The following SLC44A5 variants were observed in gnomAD, a reference collection of about 807,000 sequenced individuals.
SLC44A5 encodes the protein choline transporter-like protein 5.
A neutral mutation model predicts 101.8 loss-of-function variants in SLC44A5; 57 were observed. The observed-to-expected ratio is 0.56, with a 90% CI of 0.45 to 0.70. The LOEUF is 0.70. SLC44A5 is among the 30% of genes least tolerant of loss of function. The pLI, the probability that SLC44A5 is intolerant of heterozygous loss-of-function variation, is 0.00. For synonymous variants in SLC44A5, 281 were observed against 290.9 expected (o/e 0.97, Z 0.35); for missense variants, 737 against 853.1 (o/e 0.86, Z 1.70).
At chr1:75,670,153 G>T in the SLC44A5 span, among the ~76,000 whole-genome samples, 7 of 152,038 alleles carry the variant, frequency 4.6e-5, no homozygotes, top group African/African-American at 1.4e-4. Flanking sequence ...AATGAATACA[G>T]AAAATAGTCA....
chr1:75,654,531 A>C, the SLC44A5 span, among the ~76,000 whole-genome samples: 2 of 152,204 alleles, frequency 1.3e-5, no homozygotes, highest in African/African-American at 4.8e-5. Flanking sequence ...TAGAAACATG[A>C]TAAAAGGGTC....
At chr1:75,718,225 G>A in the SLC44A5 span, among the ~76,000 whole-genome samples, 1 of 152,160 alleles carries the variant, frequency 6.6e-6, no homozygotes, top group Non-Finnish European at 1.5e-5. Flanking sequence ...TGGTAAATCT[G>A]CCATTTAAGC....
intron 4 of SLC44A5, among the ~76,000 whole-genome samples, chr1:75,302,937 T>A (rs1247647945): frequency 6.6e-6 from 1 of 152,194 alleles, no homozygotes; most frequent in Non-Finnish European, 1.5e-5. Flanking sequence ...GTGGGCAATT[T>A]AAGACATAAA....
chr1:75,343,797 A>G (rs1658054735), intron 3 of SLC44A5, among the ~76,000 whole-genome samples: 1 of 152,152 alleles, frequency 6.6e-6, no homozygotes, highest in African/African-American at 2.4e-5. Context: ...TTTATTTTTA[A>G]AACATGCTTT....
intron 2 of SLC44A5, among the ~76,000 whole-genome samples, chr1:75,499,859 G>A (rs896882752): frequency 6.6e-6 from 1 of 152,140 alleles, no homozygotes. Flanking sequence ...TGGGCACACA[G>A]CTCTACTGCA....
intron 6 of SLC44A5, among the ~76,000 whole-genome samples, chr1:75,258,145 G>T (rs1488915562): frequency 2.6e-5 from 4 of 151,892 alleles, no homozygotes; most frequent in Non-Finnish European, 5.9e-5. Context: ...GCTAGTCACA[G>T]TTTTTTTTCA....
intron 1 of SLC44A5, among the ~76,000 whole-genome samples, chr1:75,558,478 C>G (rs1231052488): frequency 1.3e-5 from 2 of 152,046 alleles, no homozygotes; most frequent in Admixed American, 6.6e-5. Context: ...TTGTCATCTA[C>G]ATGCATAGCA....
At chr1:75,416,176 G>C (rs1029977739) in intron 2 of SLC44A5, among the ~76,000 whole-genome samples, 1 of 152,158 alleles carries the variant, frequency 6.6e-6, no homozygotes, top group Non-Finnish European at 1.5e-5. Flanking sequence ...TGAAAAAGTT[G>C]TTTCATGGGC....
At chr1:75,484,822 A>G (rs150501175) in intron 2 of SLC44A5, among the ~76,000 whole-genome samples, 22 of 152,336 alleles carry the variant, frequency 1.4e-4, no homozygotes, top group African/African-American at 5.3e-4. Context: ...TGTAAGCCCA[A>G]CACCACGTGA....
At chr1:75,635,979 T>C in the SLC44A5 span, among the ~76,000 whole-genome samples, 229 of 152,134 alleles carry the variant, frequency 1.5e-3, 2 homozygotes, top group African/African-American at 5.2e-3. Context: ...GATCGTGTAA[T>C]TGTAACGTCA....
intron 4 of SLC44A5, among the ~76,000 whole-genome samples, chr1:75,303,664 A>C (rs761769730): frequency 1.3e-5 from 2 of 152,204 alleles, no homozygotes; most frequent in Non-Finnish European, 2.9e-5. Flanking sequence ...CCAAGGAAAC[A>C]CTAAAGCATC....
chr1:75,532,019 T>A (rs564744660), intron 2 of SLC44A5, among the ~76,000 whole-genome samples: 3 of 152,156 alleles, frequency 2.0e-5, no homozygotes, highest in Non-Finnish European at 2.9e-5. Flanking sequence ...ACCATCAGCA[T>A]CACCTGGAAA....
At chr1:75,656,480 A>C in the SLC44A5 span, among the ~76,000 whole-genome samples, 1 of 152,228 alleles carries the variant, frequency 6.6e-6, no homozygotes, top group Non-Finnish European at 1.5e-5. Flanking sequence ...ATATAAAAAG[A>C]CATAAATTCA....
At chr1:75,493,454 CAG>C (rs969477213) in intron 2 of SLC44A5, among the ~76,000 whole-genome samples, 9 of 151,858 alleles carry the variant, frequency 5.9e-5, no homozygotes, top group African/African-American at 2.2e-4. Flanking sequence ...CAAGAACAAA[CAG>C]AATTGCAAGA....
Position 75,304,696 on chromosome 1 carries a change from C to T in SLC44A5, c.102-4011G>A, listed in dbSNP as rs149875074. Reference sequence around the variant, plus strand: ...TTGAGATAACTGGGTGATCTAAGCTCATGGCTGAAAATTATTCTGAATCAT... The same window carrying T: ...TTGAGATAACTGGGTGATCTAAGCTTATGGCTGAAAATTATTCTGAATCAT... On this transcript the variant is annotated intron_variant, in intron 4 of 23. Coordinates refer to ENST00000370859, the MANE Select transcript of SLC44A5 (RefSeq NM_001130058.2). Among the ~76,000 whole-genome samples, 70 of 152,252 alleles carry T rather than the reference C, an allele frequency of 4.6e-4. No homozygotes were observed. In the East Asian group the frequency reaches 0.011, roughly 25 times the overall value.
chr1:75,501,840 C>T (rs1419751318), intron 2 of SLC44A5, among the ~76,000 whole-genome samples: 1 of 152,160 alleles, frequency 6.6e-6, no homozygotes, highest in East Asian at 1.9e-4. Flanking sequence ...TGAATAATGC[C>T]AAAGCCAAAT....
intron 2 of SLC44A5, among the ~76,000 whole-genome samples, chr1:75,457,023 A>C (rs1370845751): frequency 6.6e-6 from 1 of 152,214 alleles, no homozygotes; most frequent in African/African-American, 2.4e-5. Context: ...CCCATGAGGA[A>C]GCACAGATCT....
At chr1:75,698,135 T>C in the SLC44A5 span, among the ~76,000 whole-genome samples, 7 of 152,162 alleles carry the variant, frequency 4.6e-5, no homozygotes, top group African/African-American at 1.7e-4. Context: ...GAAGCTCAAA[T>C]TGGGTGGAGC....
intron 5 of SLC44A5, among the ~76,000 whole-genome samples, chr1:75,289,788 C>T (rs1241823974): frequency 6.6e-6 from 1 of 152,064 alleles, no homozygotes; most frequent in Non-Finnish European, 1.5e-5. Flanking sequence ...TCTACTTTGA[C>T]CGAAAGAGTA....
Sources: gnomAD v4.1 joint callset for allele counts (sites outside exome capture counted in the v4.1 genomes callset) on GRCh38, gnomAD v4.1.1 for gene constraint, MANE v1.5 for transcripts, NCBI Gene and HGNC (gene_info 2026-07-23, HGNC 2026-07-21) for gene names.